PDE4B: variants seen among roughly 807,000 people sequenced by gnomAD.
PDE4B encodes 3',5'-cyclic-AMP phosphodiesterase 4B.
A neutral mutation model predicts 82.2 loss-of-function variants in PDE4B; 20 were observed. That is an observed-to-expected ratio of 0.24 (90% CI 0.17 to 0.35). The LOEUF (loss-of-function observed/expected upper bound fraction) is 0.35, where lower values mean the gene tolerates loss of function less well. PDE4B is among the 10% of genes least tolerant of loss of function. The pLI is 1.00. For synonymous variants in PDE4B, 320 were observed against 318.9 expected (o/e 1.00, Z -0.04); for missense variants, 655 against 907.2 (o/e 0.72, Z 3.57).
At chr1:65,884,830 C>T (rs1404204196) in intron 1 of PDE4B, among the ~76,000 whole-genome samples, 4 of 152,152 alleles carry the variant, frequency 2.6e-5, no homozygotes, top group Non-Finnish European at 4.4e-5. Context: ...ACACCAAAAG[C>T]AATGGCAACA....
intron 1 of PDE4B, among the ~76,000 whole-genome samples, chr1:65,857,932 T>G (rs1386750872): frequency 6.6e-6 from 1 of 152,120 alleles, no homozygotes; most frequent in Non-Finnish European, 1.5e-5. Flanking sequence ...GCCACCATGT[T>G]GCCATGTTCT....
chr1:66,088,182 G>A (rs1644936103), intron 3 of PDE4B, among the ~76,000 whole-genome samples: 1 of 152,032 alleles, frequency 6.6e-6, no homozygotes, highest in African/African-American at 2.4e-5. Flanking sequence ...GGGTGGGGAG[G>A]ACACAGTGAA....
intron 3 of PDE4B, among the ~76,000 whole-genome samples, chr1:66,186,267 G>A (rs535469134): frequency 1.4e-4 from 22 of 152,150 alleles, no homozygotes; most frequent in African/African-American, 3.4e-4. Context: ...GTCAGGTAGC[G>A]TGATGCCTCC....
chr1:65,961,787 G>A (rs1479892965), intron 3 of PDE4B, among the ~76,000 whole-genome samples: 3 of 152,152 alleles, frequency 2.0e-5, no homozygotes, highest in Admixed American at 6.6e-5. Flanking sequence ...GTCATGTTAT[G>A]CCATAGAGGA....
chr1:66,202,570 C>A (rs1649086574), intron 3 of PDE4B, among the ~76,000 whole-genome samples: 1 of 152,094 alleles, frequency 6.6e-6, no homozygotes, highest in Non-Finnish European at 1.5e-5. Flanking sequence ...GTTAGCTCTT[C>A]TTGTTGAATT....
In PDE4B at chr1:65,890,102, C is replaced by T. The variant is rs542747187; in HGVS notation, c.-70-23143C>T. On this transcript the variant is annotated intron_variant, in intron 1 of 16. Transcript: ENST00000341517. ...GCTAGAACTGCTAATCTTATAATTA[C>T]TAGGAGAATTCTGCAATTTAAAGCT... Among the ~76,000 whole-genome samples, 7 of 151,642 alleles carry T rather than the reference C, an allele frequency of 4.6e-5. No individual in the cohort carries two copies. The East Asian group carries it at 9.7e-4, about 21-fold the overall frequency.
intron 3 of PDE4B, among the ~76,000 whole-genome samples, chr1:66,087,722 C>T (rs946309092): frequency 2.6e-5 from 4 of 151,748 alleles, no homozygotes; most frequent in South Asian, 2.1e-4. Context: ...TTTGTAGGGA[C>T]GTGGATGAAA....
intron 3 of PDE4B, among the ~76,000 whole-genome samples, chr1:66,194,862 A>G (rs1648152470): frequency 6.6e-6 from 1 of 152,082 alleles, no homozygotes; most frequent in South Asian, 2.1e-4. Context: ...ACACTCACTT[A>G]TGTTTGAATT....
chr1:65,822,011 C>T (rs1156645621), intron 1 of PDE4B, among the ~76,000 whole-genome samples: 4 of 152,180 alleles, frequency 2.6e-5, no homozygotes, highest in African/African-American at 9.7e-5. Flanking sequence ...TCTAGCATTT[C>T]CTTCTTCCTC....
intron 3 of PDE4B, among the ~76,000 whole-genome samples, chr1:66,072,435 C>T (rs893848276): frequency 2.0e-5 from 3 of 152,060 alleles, no homozygotes; most frequent in Admixed American, 6.6e-5. Context: ...TATAATTTCT[C>T]TAAGAGAAAT....
chr1:65,913,126 T>C, intron 1 of PDE4B, 119 bp from the exon 2 acceptor site: 1 of 458,506 alleles, frequency 2.2e-6, no homozygotes, highest in Non-Finnish European at 3.9e-6. Context: ...TGGGAAATTA[T>C]GATGTTTGCT....
chr1:66,137,544 G>T (rs778245531), intron 3 of PDE4B, among the ~76,000 whole-genome samples: 1 of 152,150 alleles, frequency 6.6e-6, no homozygotes, highest in Non-Finnish European at 1.5e-5. Flanking sequence ...GAATGGAGTG[G>T]TATTATTATA....
At chr1:66,282,146 C>A (rs1489584588) in intron 7 of PDE4B, among the ~76,000 whole-genome samples, 1 of 152,194 alleles carries the variant, frequency 6.6e-6, no homozygotes, top group African/African-American at 2.4e-5. Context: ...CCAACTTGTT[C>A]TTCAGCAACA....
chr1:65,941,599 A>G lies in PDE4B; in HGVS notation c.281+22764A>G, dbSNP rs182364497. Reference sequence around the variant, plus strand: ...GGGGAGGCAGACAGTGACCCATGACAAAAAACAAAGTCCTTGGGAGATTCA... The same window carrying G: ...GGGGAGGCAGACAGTGACCCATGACGAAAAACAAAGTCCTTGGGAGATTCA... On this transcript the variant is annotated intron_variant, in intron 3 of 16. Transcript: ENST00000341517. 1.1e-4 allele frequency among the ~76,000 whole-genome samples: 17 copies of G among 150,452 alleles called. No homozygotes were observed. The East Asian group carries it at 3.1e-3, about 27-fold the overall frequency.
intron 3 of PDE4B, among the ~76,000 whole-genome samples, chr1:66,223,626 C>T (rs943842678): frequency 6.6e-6 from 1 of 152,194 alleles, no homozygotes. Flanking sequence ...CTTGCTCCAA[C>T]TGACACCTGG....
chr1:66,183,695 C>T (rs929918322), intron 3 of PDE4B, among the ~76,000 whole-genome samples: 1 of 152,116 alleles, frequency 6.6e-6, no homozygotes, highest in Non-Finnish European at 1.5e-5. Context: ...AATCCTGTGC[C>T]CTATCTTTTG....
intron 3 of PDE4B, among the ~76,000 whole-genome samples, chr1:66,058,286 T>C (rs945113133): frequency 2.0e-5 from 3 of 152,184 alleles, no homozygotes; most frequent in African/African-American, 7.2e-5. Flanking sequence ...AGCACAGCCT[T>C]CCTCCCAGCT....
chr1:65,979,610 T>C (rs1451886190), intron 3 of PDE4B, among the ~76,000 whole-genome samples: 1 of 152,228 alleles, frequency 6.6e-6, no homozygotes. Context: ...CATGTTTTTT[T>C]ACACCTCTTC....
At chr1:65,968,317 C>T (rs1014783924) in intron 3 of PDE4B, among the ~76,000 whole-genome samples, 10 of 152,062 alleles carry the variant, frequency 6.6e-5, no homozygotes, top group African/African-American at 2.4e-4. Flanking sequence ...TTCTCTATTG[C>T]CAAAGCTCAT....
Sources: allele counts gnomAD v4.1 joint callset (sites outside exome capture counted in the v4.1 genomes callset), GRCh38; gene constraint gnomAD v4.1.1; transcripts MANE v1.5; gene names NCBI Gene and HGNC (gene_info 2026-07-23, HGNC 2026-07-21).